Variants in WDR27 observed in about 807,000 individuals in gnomAD.
WDR27 encodes WD repeat domain 27, also known as WD repeat-containing protein 27.
WDR27 carries 100 observed loss-of-function variants against 114.4 expected under a neutral mutation model. That is an observed-to-expected ratio of 0.87 (90% CI 0.74 to 1.03). WDR27 has a LOEUF of 1.03. Ranked by LOEUF, WDR27 falls within the 50% of genes least tolerant of loss-of-function variation. WDR27 has a pLI of 0.00. For synonymous variants in WDR27, 449 were observed against 423.1 expected, an observed-to-expected ratio of 1.06 and a Z score of -0.75; for missense variants, 1,129 against 1,092.9, an observed-to-expected ratio of 1.03 and a Z score of -0.47.
chr6:169,589,711 C>A (rs531440049), intron 23 of WDR27, among the ~76,000 whole-genome samples: 1 of 152,314 alleles, frequency 6.6e-6, no homozygotes, highest in African/African-American at 2.4e-5. Flanking sequence ...TGATCCTACA[C>A]AGTGTCATAA....
At chr6:169,595,740 G>A (rs1487721256) in intron 23 of WDR27, among the ~76,000 whole-genome samples, 1 of 149,102 alleles carries the variant, frequency 6.7e-6, no homozygotes, top group Non-Finnish European at 1.5e-5. Context: ...TCACCTTGAG[G>A]CTTTTGCTGA....
At position 169,576,706 on chromosome 6, in the gene WDR27, G is replaced by A. The variant is rs375943095; in HGVS notation, c.2524-4166C>T. ...TGCTTGAACCCAGGAGTTCGAGGCT[G>A]CACTGAGCTGTGATTGCATCACTGT... On this transcript the variant is annotated intron_variant, in intron 24 of 25. Coordinates refer to ENST00000448612, the MANE Select transcript of WDR27 (RefSeq NM_182552.5). 1.9e-4 allele frequency among the ~76,000 whole-genome samples: 29 copies of A among 151,062 alleles called. No individual in the cohort carries two copies. In the East Asian group the frequency reaches 2.7e-3, roughly 14 times the overall value.
rs972338318 is a variant in WDR27 at position 169,626,913 on chromosome 6, G to A, written c.2223+6034C>T. Reference sequence around the variant, plus strand: ...AACAGCACCACTGGGCAGTGCCTGTGTCTCCGAGGAGCTGAAAACCTGGAC... The same window carrying A: ...AACAGCACCACTGGGCAGTGCCTGTATCTCCGAGGAGCTGAAAACCTGGAC... On this transcript the variant is annotated intron_variant, in intron 21 of 25. Coordinates refer to ENST00000448612, the MANE Select transcript of WDR27 (RefSeq NM_182552.5). 1.3e-5 allele frequency among the ~76,000 whole-genome samples: 2 copies of A among 152,238 alleles called. 1 individual carries two copies. The highest frequency in any genetic ancestry group is 4.1e-4 in the South Asian group (2 of 4,836).
intron 1 of WDR27, among the ~76,000 whole-genome samples, chr6:169,689,581 C>T (rs761979262): frequency 2.0e-5 from 3 of 152,238 alleles, no homozygotes; most frequent in Non-Finnish European, 2.9e-5. Context: ...CAGTGATTCA[C>T]TGGCTATGTT....
intron 25 of WDR27, among the ~76,000 whole-genome samples, chr6:169,483,090 C>A (rs531070760): frequency 6.6e-6 from 1 of 152,214 alleles, no homozygotes; most frequent in South Asian, 2.1e-4. Flanking sequence ...GTAGAAATAT[C>A]TCAAATTAAC....
chr6:169,606,043 C>A (rs1406550966), intron 22 of WDR27, among the ~76,000 whole-genome samples: 2 of 152,018 alleles, frequency 1.3e-5, no homozygotes, highest in African/African-American at 4.8e-5. Flanking sequence ...AGACATTGGT[C>A]TAGGCAAAGA....
intron 24 of WDR27, 118 bp from the exon 25 acceptor site, chr6:169,572,658 T>C (rs1215946296): frequency 6.6e-6 from 1 of 152,266 alleles, no homozygotes; most frequent in East Asian, 1.9e-4. Flanking sequence ...CGGGAGTTAC[T>C]GTTTCTTGAT....
chr6:169,473,830 G>A (rs1786766591), intron 25 of WDR27, among the ~76,000 whole-genome samples: 1 of 152,182 alleles, frequency 6.6e-6, no homozygotes. Flanking sequence ...ATCCACATGG[G>A]CAGAGAAAAC....
chr6:169,488,204 C>T (rs1218123004), intron 25 of WDR27, among the ~76,000 whole-genome samples: 1 of 152,240 alleles, frequency 6.6e-6, no homozygotes, highest in Non-Finnish European at 1.5e-5. Flanking sequence ...AATTGAAACA[C>T]TCATGCATTG....
intron 24 of WDR27, among the ~76,000 whole-genome samples, chr6:169,577,848 G>C (rs1802687430): frequency 6.6e-6 from 1 of 152,306 alleles, no homozygotes; most frequent in East Asian, 1.9e-4. Context: ...ACTTAGACCT[G>C]TACCCTCCAA....
chr6:169,501,313 G>T (rs1178759103), intron 25 of WDR27, among the ~76,000 whole-genome samples: 1 of 152,144 alleles, frequency 6.6e-6, no homozygotes. Flanking sequence ...GGAGAAGCTG[G>T]GCCAGAGCCA....
At chr6:169,520,510 C>T (rs979294760) in intron 25 of WDR27, among the ~76,000 whole-genome samples, 1 of 151,752 alleles carries the variant, frequency 6.6e-6, no homozygotes, top group Non-Finnish European at 1.5e-5. Context: ...CACGAAACAA[C>T]AGCAAACAGG....
intron 1 of WDR27, among the ~76,000 whole-genome samples, chr6:169,691,308 G>A (rs1562946421): frequency 6.6e-6 from 1 of 152,054 alleles, no homozygotes; most frequent in African/African-American, 2.4e-5. Flanking sequence ...AAAAGCATGT[G>A]TACATTATTT....
chr6:169,636,873 C>G (rs1043351852), intron 18 of WDR27, among the ~76,000 whole-genome samples: 19 of 152,188 alleles, frequency 1.2e-4, no homozygotes, highest in African/African-American at 4.6e-4. Context: ...AACGTTATGA[C>G]ACAGAGCAAG....
At chr6:169,591,333 T>G (rs200046062) in intron 23 of WDR27, among the ~76,000 whole-genome samples, 1 of 152,218 alleles carries the variant, frequency 6.6e-6, no homozygotes, top group Non-Finnish European at 1.5e-5. Flanking sequence ...CACCTACTGA[T>G]GACATTTGCC....
chr6:169,547,326 C>T (rs1797579043), intron 25 of WDR27, among the ~76,000 whole-genome samples: 1 of 151,852 alleles, frequency 6.6e-6, no homozygotes, highest in African/African-American at 2.4e-5. Flanking sequence ...TCTATGAGGC[C>T]AGCATTACTC....
intron 3 of WDR27, 71 bp from the exon 4 acceptor site, chr6:169,670,764 C>T: frequency 6.4e-7 from 1 of 1,568,526 alleles, no homozygotes; most frequent in Non-Finnish European, 8.7e-7. Flanking sequence ...GAGAAAAGTA[C>T]TGAGAATGTA....
intron 21 of WDR27, among the ~76,000 whole-genome samples, chr6:169,627,338 T>A (rs1321280231): frequency 1.3e-5 from 2 of 152,222 alleles, no homozygotes; most frequent in Non-Finnish European, 1.5e-5. Flanking sequence ...CAATGCCTTT[T>A]TACGGCTTGA....
In WDR27 at chr6:169,521,394, A is replaced by G. The variant is rs368222816; in HGVS notation, c.2645+51025T>C. On this transcript the variant is annotated intron_variant, in intron 25 of 25. Coordinates refer to ENST00000448612, the MANE Select transcript of WDR27 (RefSeq NM_182552.5). ...GACCTGTCTATAAGAAATGCTAAAGAAAGGTCTTCAATCTAAAGAAAAAAA... is the reference window on the plus strand; with the variant it reads ...GACCTGTCTATAAGAAATGCTAAAGGAAGGTCTTCAATCTAAAGAAAAAAA... Among the ~76,000 whole-genome samples, 3 of 152,294 alleles carry G rather than the reference A, an allele frequency of 2.0e-5. No homozygotes were observed. The East Asian group carries it at 5.8e-4, about 29-fold the overall frequency.
Sources: allele counts gnomAD v4.1 joint callset (sites outside exome capture counted in the v4.1 genomes callset), GRCh38; gene constraint gnomAD v4.1.1; transcripts MANE v1.5; gene names NCBI Gene and HGNC (gene_info 2026-07-23, HGNC 2026-07-21).